LSM14A: variants seen among roughly 807,000 people sequenced by gnomAD.
LSM14A encodes the protein protein LSM14 homolog A.
Under a neutral mutation model 52.4 loss-of-function variants are expected in LSM14A, and 14 were observed. The ratio of observed to expected loss-of-function variants is 0.27; its 90% CI spans 0.18 to 0.42. LSM14A has a LOEUF of 0.42. LSM14A is among the 10% of genes least tolerant of loss of function. The pLI is 1.00. For missense variants in LSM14A, 417 were observed against 581.8 expected (o/e 0.72, Z 2.91); for synonymous variants, 185 against 200.3 (o/e 0.92, Z 0.64).
intron 3 of LSM14A, among the ~76,000 whole-genome samples, chr19:34,202,830 AT>A (rs926150292): frequency 5.1e-4 from 77 of 151,546 alleles, no homozygotes; most frequent in African/African-American, 1.5e-3. Flanking sequence ...AATTTTTTGT[AT>A]TTTTTTTAGT....
rs1473715943 is a variant in LSM14A at position 34,217,615 on chromosome 19, CCGTG to C, written c.782-1775_782-1772del. 2.6e-3 allele frequency among the ~76,000 whole-genome samples: 66 copies of C among 25,504 alleles called. 6 individuals are homozygous for C. Among genetic ancestry groups the C allele is most frequent in the South Asian group, 6.6e-3 (5 of 752 alleles). The allele number at this position is 25,504 out of a possible 152,430, so 16.7% of individuals were successfully genotyped here. ...ATATATATTTTTATATCCCCCCCCC[CCGTG>C]TTTTTTTTTTTTTTTTTTTTTTTTT... On this transcript the variant is annotated intron_variant, in intron 6 of 9. Coordinates refer to ENST00000544216, the MANE Select transcript of LSM14A (RefSeq NM_015578.4).
chr19:34,191,124 A>G (rs1327187875), intron 1 of LSM14A, among the ~76,000 whole-genome samples: 1 of 151,916 alleles, frequency 6.6e-6, no homozygotes, highest in Non-Finnish European at 1.5e-5. Flanking sequence ...ATTCTCTTCT[A>G]GTGATTTGGT....
At chr19:34,204,267 ATAAAAT>A in intron 3 of LSM14A, among the ~76,000 whole-genome samples, 1 of 152,378 alleles carries the variant, frequency 6.6e-6, no homozygotes, top group East Asian at 1.9e-4. Context: ...TCCAAAAGGA[ATAAAAT>A]CATACATGGT....
chr19:34,213,690 G>A (rs534472888), intron 4 of LSM14A, among the ~76,000 whole-genome samples: 27 of 152,338 alleles, frequency 1.8e-4, no homozygotes, highest in African/African-American at 6.5e-4. Flanking sequence ...AGCACCCGAT[G>A]TTACATTCTT....
In LSM14A at chr19:34,209,015, C is replaced by G. The variant is rs376519971; in HGVS notation, c.502C>G (p.Gln168Glu). The G allele has an allele frequency of 1.9e-6, 3 of 1,608,752 alleles. No homozygotes were observed. The highest frequency in any genetic ancestry group is 2.2e-5 in the East Asian group (1 of 44,826). The change falls in exon 4 of 10, where the codon CAG becomes GAG. Residue 168 changes from glutamine to glutamate, a missense_variant. Gln to Glu is a conservative substitution (Grantham distance 29, BLOSUM62 2). Transcript: ENST00000544216. Reference protein sequence around the residue: ...QSSAVGSAFTQDTRSLKTQLS... With the variant: ...QSSAVGSAFTEDTRSLKTQLS... ...TAGTGCGGTTGGTTCTGCCTTTACA[C>G]AGGATACAAGATCTCTAAAAACACA...
intron 9 of LSM14A, chr19:34,226,536 C>CTTCTTGTTG: frequency 1.1e-5 from 14 of 1,283,202 alleles, no homozygotes; most frequent in Non-Finnish European, 1.4e-5. Flanking sequence ...TCTTGTAGCT[C>CTTCTTGTTG]ATTGCTGTCA....
intron 3 of LSM14A, 137 bp from the exon 4 acceptor site, chr19:34,208,792 C>A: frequency 1.5e-6 from 1 of 649,860 alleles, no homozygotes; most frequent in Non-Finnish European, 2.5e-6. Context: ...CTTTAATTTC[C>A]AAGATTATTA....
At chr19:34,209,775 G>A (rs997562435) in intron 4 of LSM14A, among the ~76,000 whole-genome samples, 4 of 151,370 alleles carry the variant, frequency 2.6e-5, no homozygotes, top group South Asian at 2.1e-4. Flanking sequence ...GGGCTCAAGC[G>A]ATCCATTTGC....
intron 2 of LSM14A, among the ~76,000 whole-genome samples, chr19:34,196,070 T>A (rs1300419322): frequency 3.3e-5 from 5 of 152,196 alleles, no homozygotes; most frequent in Non-Finnish European, 5.9e-5. Context: ...ATATGAAGTA[T>A]ACATGTATTA....
In LSM14A at chr19:34,215,578, G is replaced by GC. The variant is rs752270145; in HGVS notation, c.716-17dup. ...GTACCCTGAGTTGATTTGGCACTTT[G>GC]CATGTCTTCTTCTGTAGCTGAAGTA... On this transcript the variant is annotated splice_polypyrimidine_tract_variant and intron_variant, in intron 5 of 9. Transcript: ENST00000544216. 9 of 1,601,474 alleles carry GC rather than the reference G, an allele frequency of 5.6e-6. No individual in the cohort carries two copies. The highest frequency in any genetic ancestry group is 7.7e-6 in the Non-Finnish European group (9 of 1,169,186).
chr19:34,224,961 C>T (rs1200712812), intron 9 of LSM14A, among the ~76,000 whole-genome samples: 2 of 152,184 alleles, frequency 1.3e-5, no homozygotes, highest in African/African-American at 4.8e-5. Context: ...TCTTCTCTTC[C>T]TTCCTACACT....
rs190580730 is a variant in LSM14A, at chr19:34,187,234, C to T, written c.122-7244C>T. On this transcript the variant is annotated intron_variant, in intron 1 of 9. Transcript: ENST00000544216. ...ACTGCACTCCAGCCTAAGCAACAGA[C>T]CAAGACTCGGTCTCAAAAAAAAAAA... 3.5e-3 allele frequency among the ~76,000 whole-genome samples: 519 copies of T among 150,428 alleles called. 1 individual carries two copies. Among genetic ancestry groups the T allele is most frequent in the African/African-American group, 0.012 (499 of 40,936 alleles).
At chr19:34,193,130 A>C (rs1651803) in intron 1 of LSM14A, among the ~76,000 whole-genome samples, 53,122 of 151,986 alleles carry the variant, frequency 0.35, 9,734 homozygotes, top group African/African-American at 0.4. Flanking sequence ...CCTGAAACTT[A>C]TGTATTTATA....
In LSM14A at chr19:34,219,372, A is replaced by C. The variant is rs746121137; in HGVS notation, c.782-19A>C. 6.3e-7 allele frequency: 1 copy of C among 1,580,518 alleles called. No individual in the cohort carries two copies. The highest frequency in any genetic ancestry group is 8.6e-7 in the Non-Finnish European group (1 of 1,159,714). Reference sequence around the variant, plus strand: ...ATTACATATTGAATGTCCTTTGTATATATTCTTTATTATCATAGCTCCAGG... The same window carrying C: ...ATTACATATTGAATGTCCTTTGTATCTATTCTTTATTATCATAGCTCCAGG... On this transcript the variant is annotated intron_variant, in intron 6 of 9. Transcript: ENST00000544216.
rs538202423 is a variant in LSM14A at position 34,185,134 on chromosome 19, G to A, written c.122-9344G>A. Among the ~76,000 whole-genome samples the A allele has an allele frequency of 3.9e-5, 6 of 152,236 alleles. No individual in the cohort carries two copies. In the South Asian group the frequency reaches 1.0e-3, roughly 26 times the overall value. ...AGATGGCTTTGGGGTTTTTTCAGTC[G>A]AAGATGATGTAACCTCTAGAGTTAA... On this transcript the variant is annotated intron_variant, in intron 1 of 9. Transcript: ENST00000544216.
rs191843128 is a variant in LSM14A, at chr19:34,222,946, T to C, written c.1368+1208T>C. On this transcript the variant is annotated intron_variant, in intron 9 of 9. Transcript: ENST00000544216. The stretch of plus-strand genomic sequence containing the variant: ...AGCAGTAGTATTTTCACAAATATTT[T>C]ATTTGCCATTAACTCCTCTGCAATA... Among the ~76,000 whole-genome samples the C allele has an allele frequency of 6.0e-3, 910 of 152,334 alleles. 5 individuals are homozygous for C. Among genetic ancestry groups the C allele is most frequent in the Non-Finnish European group, 7.7e-3 (523 of 68,040 alleles).
chr19:34,174,847 G>A (rs1056328228), intron 1 of LSM14A, among the ~76,000 whole-genome samples: 1 of 152,120 alleles, frequency 6.6e-6, no homozygotes, highest in African/African-American at 2.4e-5. Flanking sequence ...ATTTAAAAGT[G>A]TCTTGCCAGC....
chr19:34,188,107 C>T lies in LSM14A; in HGVS notation c.122-6371C>T, dbSNP rs1370122752. Among the ~76,000 whole-genome samples the T allele has an allele frequency of 2.0e-5, 3 of 151,840 alleles. No homozygotes were observed. The East Asian group carries it at 5.8e-4, about 29-fold the overall frequency. ...TTGGAGACCAACCTGGGCAACATGG[C>T]GAAATCCTATCTCTACAAAAAATAC... On this transcript the variant is annotated intron_variant, in intron 1 of 9. Coordinates refer to ENST00000544216, the MANE Select transcript of LSM14A (RefSeq NM_015578.4).
At position 34,187,818 on chromosome 19, in the gene LSM14A, G is replaced by A. The variant is rs182728365; in HGVS notation, c.122-6660G>A. Among the ~76,000 whole-genome samples, 5 of 152,104 alleles carry A rather than the reference G, an allele frequency of 3.3e-5. No homozygotes were observed. The East Asian group carries it at 9.7e-4, about 29-fold the overall frequency. On this transcript the variant is annotated intron_variant, in intron 1 of 9. Transcript: ENST00000544216. ...AGTTTGGCATTAGGATGATGTTTGA[G>A]CTTAACTAAATCTGGAGACTGGATT... is the stretch of plus-strand genomic sequence containing the variant.
Sources: gnomAD v4.1 joint callset for allele counts (sites outside exome capture counted in the v4.1 genomes callset) on GRCh38, gnomAD v4.1.1 for gene constraint, MANE v1.5 for transcripts, NCBI Gene and HGNC (gene_info 2026-07-23, HGNC 2026-07-21) for gene names.